NAA60: variants seen among roughly 807,000 people sequenced by gnomAD.
NAA60 encodes the protein N-alpha-acetyltransferase 60, NatF catalytic subunit, also known as N-alpha-acetyltransferase 60.
NAA60 carries 8 observed loss-of-function variants against 26.1 expected under a neutral mutation model. The ratio of observed to expected loss-of-function variants is 0.31; its 90% CI spans 0.18 to 0.55. The LOEUF (loss-of-function observed/expected upper bound fraction) is 0.55. Ranked by LOEUF, NAA60 falls within the 20% of genes least tolerant of loss-of-function variation. The pLI is 0.93. For synonymous variants in NAA60, 131 were observed against 122.5 expected (o/e 1.07, Z -0.46); for missense variants, 290 against 311.3 (o/e 0.93, Z 0.51).
chr16:3,450,520 G>T (rs902619935), intron 2 of NAA60, among the ~76,000 whole-genome samples: 1 of 151,964 alleles, frequency 6.6e-6, no homozygotes, highest in African/African-American at 2.4e-5. Flanking sequence ...CTAACATGGT[G>T]AAACCCCATC....
At chr16:3,469,595 T>A (rs1471330005) in intron 2 of NAA60, among the ~76,000 whole-genome samples, 2 of 127,008 alleles carry the variant, frequency 1.6e-5, no homozygotes, top group Non-Finnish European at 3.5e-5. Flanking sequence ...GTCTCTGACT[T>A]TGCCTTGCTG....
At chr16:3,482,869 G>T in intron 5 of NAA60, 5 of 548,312 alleles carry the variant, frequency 9.1e-6, no homozygotes, top group South Asian at 8.4e-5. Context: ...TGGAGCTGAG[G>T]AAACTGGCAC....
At chr16:3,451,883 A>G (rs886642380) in intron 2 of NAA60, among the ~76,000 whole-genome samples, 1 of 151,822 alleles carries the variant, frequency 6.6e-6, no homozygotes, top group South Asian at 2.1e-4. Context: ...ACACGACTGC[A>G]TTCCAGCCTG....
At position 3,458,455 on chromosome 16, in the gene NAA60, G is replaced by T. The variant is rs554670375; in HGVS notation, c.-7+9915G>T. On this transcript the variant is annotated intron_variant, in intron 2 of 7. Transcript: ENST00000407558. ...GGGTGGGAGTCGGGCCTTCTGCCTG[G>T]GGGTTGCGTCAGTGTCCGACCCCGC... Among the ~76,000 whole-genome samples the T allele has an allele frequency of 2.3e-4, 35 of 152,260 alleles. No homozygotes were observed. The East Asian group carries it at 5.4e-3, about 24-fold the overall frequency.
intron 2 of NAA60, among the ~76,000 whole-genome samples, chr16:3,449,782 T>G (rs897418446): frequency 1.3e-5 from 2 of 152,118 alleles, no homozygotes; most frequent in Non-Finnish European, 2.9e-5. Flanking sequence ...GGGCAGGTCT[T>G]TCCCATGCTG....
At position 3,485,580 on chromosome 16, in the gene NAA60, G is replaced by T. The variant is rs546508057; in HGVS notation, c.*320G>T. On this transcript the variant is annotated 3_prime_UTR_variant, in exon 8 of 8. Coordinates refer to ENST00000407558, the MANE Select transcript of NAA60 (RefSeq NM_001083601.3). ...CCAGTGTGGCTGCATTCACTGGGAG[G>T]GGCCTGCCCTCACTGGGCCTCTCCC... 11 of 455,426 alleles carry T rather than the reference G, an allele frequency of 2.4e-5. No individual in the cohort carries two copies. The highest frequency in any genetic ancestry group is 4.0e-5 in the Non-Finnish European group (9 of 226,238). The allele number at this position is 455,426 out of a possible 1,614,324, so 28.2% of individuals were successfully genotyped here. A position where few individuals can be genotyped will look rare whatever the true frequency, so the allele number is the denominator to read the frequency against.
rs1048147507 is a variant in NAA60, at chr16:3,486,796, C to T, written c.*1536C>T. The T allele has an allele frequency of 2.6e-5, 4 of 152,410 alleles. No homozygotes were observed. The highest frequency in any genetic ancestry group is 1.9e-4 in the East Asian group (1 of 5,172). 9.4% of individuals were successfully genotyped at this position (152,410 alleles called of 1,614,324 possible). ...TATTTCTGCCCCACAGGGTAAGGGACGAGTCTTCTGGAAGGCTCTGCCATG... is the reference window on the plus strand; with the variant it reads ...TATTTCTGCCCCACAGGGTAAGGGATGAGTCTTCTGGAAGGCTCTGCCATG... On this transcript the variant is annotated 3_prime_UTR_variant, in exon 8 of 8. Transcript: ENST00000407558.
chr16:3,449,661 G>C (rs1484276958), intron 2 of NAA60, among the ~76,000 whole-genome samples: 1 of 152,122 alleles, frequency 6.6e-6, no homozygotes, highest in Non-Finnish European at 1.5e-5. Flanking sequence ...CTCCAGCCTG[G>C]GTGACAGAGC....
intron 4 of NAA60, among the ~76,000 whole-genome samples, chr16:3,479,872 T>A (rs552842437): frequency 1.3e-5 from 2 of 152,304 alleles, no homozygotes; most frequent in South Asian, 2.1e-4. Flanking sequence ...GATGATGCAT[T>A]GAGAATCTGC....
intron 2 of NAA60, among the ~76,000 whole-genome samples, chr16:3,473,597 A>T (rs1299527067): frequency 6.6e-6 from 1 of 152,138 alleles, no homozygotes; most frequent in Non-Finnish European, 1.5e-5. Context: ...ATAGTGTTTC[A>T]CCATGTTGGT....
intron 2 of NAA60, among the ~76,000 whole-genome samples, chr16:3,467,490 G>A (rs754303531): frequency 3.9e-5 from 6 of 152,130 alleles, no homozygotes; most frequent in Non-Finnish European, 8.8e-5. Context: ...CAGTGCCTTC[G>A]AAGGAGGAGG....
At chr16:3,478,572 A>G (rs920635254) in intron 3 of NAA60, among the ~76,000 whole-genome samples, 5 of 152,184 alleles carry the variant, frequency 3.3e-5, no homozygotes, top group African/African-American at 1.2e-4. Flanking sequence ...TCGCCTGTTA[A>G]TGACCATGTC....
intron 2 of NAA60, among the ~76,000 whole-genome samples, chr16:3,471,716 C>T (rs770741091): frequency 3.9e-5 from 6 of 152,038 alleles, no homozygotes; most frequent in Non-Finnish European, 8.8e-5. Flanking sequence ...AGAGCTGAGC[C>T]GGTGGTGTTT....
At chr16:3,465,049 T>C (rs144556103) in intron 2 of NAA60, among the ~76,000 whole-genome samples, 9,178 of 152,066 alleles carry the variant, frequency 0.06, 365 homozygotes, top group Middle Eastern at 0.085. Flanking sequence ...GGGTGGATCA[T>C]GAGGTCAGGA....
chr16:3,463,395 C>T (rs1363403110), intron 2 of NAA60, among the ~76,000 whole-genome samples: 1 of 143,032 alleles, frequency 7.0e-6, no homozygotes, highest in African/African-American at 2.7e-5. Flanking sequence ...AAAAAAAAAA[C>T]AAAAATTACC....
intron 2 of NAA60, among the ~76,000 whole-genome samples, chr16:3,469,421 C>G (rs562153412): frequency 8.7e-4 from 132 of 151,246 alleles, no homozygotes; most frequent in Non-Finnish European, 1.6e-3. Flanking sequence ...TGCTGCTCCC[C>G]CCAGCACTGC....
intron 7 of NAA60, 55 bp from the exon 8 acceptor site, chr16:3,485,411 TG>T (rs1478017395): frequency 4.3e-6 from 2 of 462,730 alleles, no homozygotes; most frequent in Non-Finnish European, 8.6e-6. Context: ...GGGTGTGGGG[TG>T]GGCAGAGTGT....
rs1188161533 is a variant in NAA60 at position 3,457,873 on chromosome 16, T to C, written c.-7+9333T>C. On this transcript the variant is annotated intron_variant, in intron 2 of 7. Coordinates refer to ENST00000407558, the MANE Select transcript of NAA60 (RefSeq NM_001083601.3). ...AGCCGGCCCTCACCAGTGCCCCGCA[T>C]ACGGGATCCTGGGCCTGGCTTCGCA... is the stretch of plus-strand genomic sequence containing the variant. 14 of 696,042 alleles carry C rather than the reference T, an allele frequency of 2.0e-5. No individual in the cohort carries two copies. In the East Asian group the frequency reaches 1.6e-3, roughly 80 times the overall value. 43.1% of individuals were successfully genotyped at this position (696,042 alleles called of 1,614,324 possible).
At chr16:3,479,336 A>G (rs549372667) in intron 3 of NAA60, 135 bp from the exon 4 acceptor site, 12 of 803,858 alleles carry the variant, frequency 1.5e-5, no homozygotes, top group East Asian at 1.3e-4. Flanking sequence ...GACTTAAGTG[A>G]TGGGCACACT....
Sources: allele counts gnomAD v4.1 joint callset (sites outside exome capture counted in the v4.1 genomes callset), GRCh38; gene constraint gnomAD v4.1.1; transcripts MANE v1.5; gene names NCBI Gene and HGNC (gene_info 2026-07-23, HGNC 2026-07-21).